The following RAB8A variants were observed in gnomAD, a reference collection of about 807,000 sequenced individuals.
RAB8A encodes the protein RAB8A, member RAS oncogene family, also known as ras-related protein Rab-8A.
In RAB8A, 5 loss-of-function variants were observed where a neutral mutation model predicts 29.2. That is an observed-to-expected ratio of 0.17 (90% confidence interval 0.09 to 0.36). RAB8A has a LOEUF of 0.36. Among genes scored for constraint, RAB8A ranks in the 10% least tolerant of loss-of-function variants. The pLI is 1.00. For synonymous variants in RAB8A, 108 were observed against 99.9 expected (o/e 1.08, Z -0.49); for missense variants, 171 against 272.2 (o/e 0.63, Z 2.62).
chr19:16,113,105 A>C (rs919053307), intron 1 of RAB8A, among the ~76,000 whole-genome samples: 1 of 152,226 alleles, frequency 6.6e-6, no homozygotes, highest in African/African-American at 2.4e-5. Context: ...TGTGATGTCC[A>C]CAGAAGTGGA....
intron 2 of RAB8A, among the ~76,000 whole-genome samples, chr19:16,119,249 A>G (rs1191064544): frequency 6.6e-6 from 1 of 151,310 alleles, no homozygotes; most frequent in Non-Finnish European, 1.5e-5. Context: ...CTTGTCGCCT[A>G]GGCTGGAGTG....
chr19:16,128,253 G>A (rs886204299), intron 6 of RAB8A, among the ~76,000 whole-genome samples, 162 bp downstream of exon 6: 3 of 152,176 alleles, frequency 2.0e-5, no homozygotes, highest in Non-Finnish European at 2.9e-5. Flanking sequence ...GCAGTGCCAC[G>A]TGCCAAGCAC....
intron 2 of RAB8A, among the ~76,000 whole-genome samples, chr19:16,120,392 A>G (rs2090869280): frequency 6.7e-6 from 1 of 148,242 alleles, no homozygotes; most frequent in African/African-American, 2.5e-5. Context: ...AGCTCACTGC[A>G]ACCTCCACTT....
chr19:16,117,191 A>C (rs1046004538), intron 1 of RAB8A, among the ~76,000 whole-genome samples: 5 of 152,094 alleles, frequency 3.3e-5, no homozygotes, highest in African/African-American at 4.8e-5. Context: ...GACATACTAG[A>C]AAGTTTGGAG....
rs1458653442 is a variant in RAB8A, at chr19:16,128,017, C to G, written c.415-9C>G. 1.2e-6 allele frequency: 2 copies of G among 1,614,160 alleles called. No homozygotes were observed. The highest frequency in any genetic ancestry group is 2.2e-5 in the South Asian group (2 of 91,090). On this transcript the variant is annotated splice_polypyrimidine_tract_variant and intron_variant, in intron 5 of 7. Transcript: ENST00000300935. Reference sequence around the variant, plus strand: ...GGTGTGCTCATGCGTGTGCCTCCCTCTCTCACAGCTGGCCCTCGACTATGG... The same window carrying G: ...GGTGTGCTCATGCGTGTGCCTCCCTGTCTCACAGCTGGCCCTCGACTATGG...
intron 3 of RAB8A, chr19:16,124,991 GGTCAGGACT>G: frequency 4.8e-6 from 1 of 210,420 alleles, no homozygotes; most frequent in Non-Finnish European, 9.9e-6. Flanking sequence ...GTGGATGTCG[GGTCAGGACT>G]TCCTGGGCTC....
Position 16,127,637 on chromosome 19 carries a change from C to G in RAB8A, c.414+111C>G. On this transcript the variant is annotated intron_variant, in intron 5 of 7. Coordinates refer to ENST00000300935, the MANE Select transcript of RAB8A (RefSeq NM_005370.5). This position sits in a 1 kb window ranked among gnomAD's most constrained non-coding sequence, Gnocchi z 4.8. ...GGGGCCTGAGACGAGTTGGTCACCC[C>G]AGTGGGGCACGTGCCATGGGATGAC... 1 of 842,330 alleles carries G rather than the reference C, an allele frequency of 1.2e-6. No homozygotes were observed. The highest frequency in any genetic ancestry group is 1.8e-6 in the Non-Finnish European group (1 of 557,086). The allele number at this position is 842,330 out of a possible 1,614,324, so 52.2% of individuals were successfully genotyped here.
chr19:16,130,177 G>A (rs760243934), intron 7 of RAB8A, among the ~76,000 whole-genome samples: 6 of 151,292 alleles, frequency 4.0e-5, no homozygotes, highest in Non-Finnish European at 8.8e-5. Context: ...CCACGTTAGC[G>A]ATTTCCTAGT....
intron 6 of RAB8A, 105 bp from the exon 7 acceptor site, chr19:16,129,449 G>A: frequency 1.8e-6 from 2 of 1,114,986 alleles, no homozygotes; most frequent in Non-Finnish European, 2.7e-6. Context: ...GGGCCAAATG[G>A]GAGGCCCACG....
chr19:16,125,937 TA>T lies in RAB8A; in HGVS notation c.324+391del, dbSNP rs1479921050. On this transcript the variant is annotated intron_variant, in intron 4 of 7. Transcript: ENST00000300935. The surrounding 1 kb of genome is among the most constrained non-coding windows in gnomAD (Gnocchi z 5.0). The stretch of plus-strand genomic sequence containing the variant: ...AGCAGGCGTCAGTTGTACTTTGAGC[TA>T]TATCGGAGCAGGGTGTGACCTGGTA... 5.6e-6 allele frequency: 2 copies of T among 355,896 alleles called. No individual in the cohort carries two copies. The highest frequency in any genetic ancestry group is 1.1e-5 in the Non-Finnish European group (2 of 180,590). The allele number at this position is 355,896 out of a possible 1,614,324, so 22.0% of individuals were successfully genotyped here.
chr19:16,131,570 TG>T (rs887521531), intron 7 of RAB8A, among the ~76,000 whole-genome samples: 3 of 147,318 alleles, frequency 2.0e-5, no homozygotes, highest in African/African-American at 5.1e-5. Flanking sequence ...AGAGGGTGGA[TG>T]GGGGGAAGGA....
intron 3 of RAB8A, 172 bp downstream of exon 3, chr19:16,121,982 C>A: frequency 1.7e-6 from 1 of 587,476 alleles, no homozygotes; most frequent in Non-Finnish European, 3.1e-6. Flanking sequence ...CGGCCTACCC[C>A]CATGTACATA....
chr19:16,116,069 G>C (rs908943898), intron 1 of RAB8A, among the ~76,000 whole-genome samples: 2 of 152,204 alleles, frequency 1.3e-5, no homozygotes, highest in African/African-American at 4.8e-5. Flanking sequence ...TTAATAAATA[G>C]GTAAAGGGAG....
chr19:16,123,760 C>T (rs927614144), intron 3 of RAB8A: 3 of 152,166 alleles, frequency 2.0e-5, no homozygotes, highest in Admixed American at 6.6e-5. Context: ...TCATCTCTGT[C>T]AGCATGCTCA....
intron 4 of RAB8A, chr19:16,126,072 C>G: frequency 4.9e-6 from 1 of 202,700 alleles, no homozygotes; most frequent in Non-Finnish European, 1.1e-5. Context: ...AAGAGCTGAC[C>G]TCACCCCCAA....
In RAB8A at chr19:16,125,135, A is replaced by G. The variant is rs554110504; in HGVS notation, c.247-335A>G. The G allele has an allele frequency of 1.7e-5, 7 of 419,328 alleles. No individual in the cohort carries two copies. The highest frequency in any genetic ancestry group is 1.4e-4 in the African/African-American group (7 of 50,082). 26.0% of individuals were successfully genotyped at this position (419,328 alleles called of 1,614,324 possible). The stretch of plus-strand genomic sequence containing the variant: ...GCAGTGGGCCTGTGGACCGGCTCCC[A>G]CCGTCAGGCTGCACCACCCCGTGGG... On this transcript the variant is annotated intron_variant, in intron 3 of 7. Transcript: ENST00000300935. The surrounding 1 kb of genome is among the most constrained non-coding windows in gnomAD (Gnocchi z 5.0).
At chr19:16,120,603 G>A (rs980001495) in intron 2 of RAB8A, among the ~76,000 whole-genome samples, 3 of 142,328 alleles carry the variant, frequency 2.1e-5, no homozygotes, top group South Asian at 2.2e-4. Flanking sequence ...GAGCCAACAC[G>A]CCTGGCTTTT....
Position 16,125,279 on chromosome 19 carries a change from A to G in RAB8A, c.247-191A>G. On this transcript the variant is annotated intron_variant, in intron 3 of 7. Coordinates refer to ENST00000300935, the MANE Select transcript of RAB8A (RefSeq NM_005370.5). The surrounding 1 kb of genome is among the most constrained non-coding windows in gnomAD (Gnocchi z 5.0). Reference sequence around the variant, plus strand: ...CAAGGCTGGTGCCAGAACCCAGCAGAAAGAAGGGCCACAGGGATGGAGAGG... The same window carrying G: ...CAAGGCTGGTGCCAGAACCCAGCAGGAAGAAGGGCCACAGGGATGGAGAGG... 1.6e-6 allele frequency: 1 copy of G among 612,466 alleles called. No homozygotes were observed. The highest frequency in any genetic ancestry group is 2.8e-5 in the Admixed American group (1 of 36,296). The allele number at this position is 612,466 out of a possible 1,614,324, so 37.9% of individuals were successfully genotyped here. A position where few individuals can be genotyped will look rare whatever the true frequency, so the allele number is the denominator to read the frequency against.
Position 16,125,012 on chromosome 19 carries a change from G to GAAAAA in RAB8A, c.247-458_247-457insAAAAA. Reference sequence around the variant, plus strand: ...GTCGGGTCAGGACTTCCTGGGCTCAGTTGTGCCTGGTAGGTGGCTCAGGCA... The same window carrying GAAAAA: ...GTCGGGTCAGGACTTCCTGGGCTCAGAAAAATTGTGCCTGGTAGGTGGCTCAGGCA... On this transcript the variant is annotated intron_variant, in intron 3 of 7. Transcript: ENST00000300935. The surrounding 1 kb of genome is among the most constrained non-coding windows in gnomAD (Gnocchi z 5.0). 4.9e-6 allele frequency: 1 copy of GAAAAA among 206,182 alleles called. No individual in the cohort carries two copies. The highest frequency in any genetic ancestry group is 1.0e-5 in the Non-Finnish European group (1 of 98,644). The allele number at this position is 206,182 out of a possible 1,614,324, so 12.8% of individuals were successfully genotyped here.
Sources: gnomAD v4.1 joint callset for allele counts (sites outside exome capture counted in the v4.1 genomes callset) on GRCh38, gnomAD v4.1.1 for gene constraint, Gnocchi (gnomAD v3.1) non-coding constraint, MANE v1.5 for transcripts, NCBI Gene and HGNC (gene_info 2026-07-23, HGNC 2026-07-21) for gene names.